KLHL30: variants seen among roughly 807,000 people sequenced by gnomAD.
KLHL30 encodes the protein kelch like family member 30, also known as kelch-like protein 30.
KLHL30 carries 55 observed loss-of-function variants against 55.0 expected under a neutral mutation model. That is an observed-to-expected ratio of 1.00 (90% CI 0.80 to 1.25). KLHL30 has a LOEUF of 1.25. KLHL30 is among the 50% of genes most tolerant of loss of function. KLHL30 has a pLI of 0.00. For synonymous variants in KLHL30, 356 were observed against 372.6 expected, an observed-to-expected ratio of 0.96 and a Z score of 0.51; for missense variants, 786 against 811.6, an observed-to-expected ratio of 0.97 and a Z score of 0.38.
Position 238,142,895 on chromosome 2 carries a change from G to A in KLHL30, c.871G>A (p.Gly291Ser), listed in dbSNP as rs200997675. Reference sequence around the variant, plus strand: ...GGAGGCAGGTGAGGAGCCCACCCCCGGCCTTGGGAACTTTGCCTTCTACAA... The same window carrying A: ...GGAGGCAGGTGAGGAGCCCACCCCCAGCCTTGGGAACTTTGCCTTCTACAA... ...EEEAGEEPTPGLGNFAFYNSK... is the reference protein window; with the variant it reads ...EEEAGEEPTPSLGNFAFYNSK... Residue 291 changes from glycine to serine, a missense_variant, in exon 3 of 8, where the codon GGC becomes AGC. Transcript: ENST00000409223. 1,345 of 1,499,286 alleles carry A rather than the reference G, an allele frequency of 9.0e-4. 10 individuals carry two copies. The South Asian group carries it at 0.01, about 11-fold the overall frequency. 92.9% of individuals were successfully genotyped at this position (1,499,286 alleles called of 1,614,324 possible).
In KLHL30 at chr2:238,144,961, G is replaced by A. The variant is rs752979473; in HGVS notation, c.967G>A (p.Ala323Thr). Residue 323 changes from alanine to threonine, a missense_variant, in exon 4 of 8, where the codon GCC (alanine) becomes ACC (threonine). Physicochemically the swap from Ala to Thr is moderately conservative, Grantham distance 58. Transcript: ENST00000409223. ...DYHKWGFSLA[A>T]LNNNIYVTGG... ...TCACAAGTGGGGTTTCTCCCTGGCG[G>A]CCCTGAACAACAACATCTATGTCAC... 1 of 1,609,470 alleles carries A rather than the reference G, an allele frequency of 6.2e-7. No individual in the cohort carries two copies. The highest frequency in any genetic ancestry group is 8.5e-7 in the Non-Finnish European group (1 of 1,178,112).
intron 1 of KLHL30, among the ~76,000 whole-genome samples, chr2:238,139,579 G>A (rs1225877726): frequency 2.0e-5 from 3 of 152,188 alleles, no homozygotes; most frequent in Non-Finnish European, 2.9e-5. Flanking sequence ...GGAAGTCGGG[G>A]AGCCCTAGCT....
chr2:238,138,976 GGGGA>G (rs1692481640), intron 1 of KLHL30, among the ~76,000 whole-genome samples: 1 of 152,198 alleles, frequency 6.6e-6, no homozygotes, highest in South Asian at 2.1e-4. Context: ...GAGGTGGGAG[GGGGA>G]GGCTGGGCCA....
In KLHL30 at chr2:238,151,915, C is replaced by G. The variant is rs1692763274; in HGVS notation, c.*850C>G. The stretch of plus-strand genomic sequence containing the variant: ...TCTTGGGTGCATTGGTGGCAGCCTC[C>G]TGAGGGTGAGGGGTAGCATCCGATG... On this transcript the variant is annotated 3_prime_UTR_variant, in exon 8 of 8. Transcript: ENST00000409223. 1.0e-6 allele frequency: 1 copy of G among 985,378 alleles called. No individual in the cohort carries two copies. 61.0% of individuals were successfully genotyped at this position (985,378 alleles called of 1,614,324 possible).
chr2:238,150,368 G>C (rs1692731228), intron 7 of KLHL30, among the ~76,000 whole-genome samples: 1 of 152,180 alleles, frequency 6.6e-6, no homozygotes, highest in South Asian at 2.1e-4. Context: ...ACCCCTCCCA[G>C]GGGCACTCCC....
Position 238,142,849 on chromosome 2 carries a change from C to T in KLHL30, c.825C>T (p.Gly275=), listed in dbSNP as rs571979746. Residue 275 remains glycine, a synonymous_variant, in exon 3 of 8, where the codon GGC becomes GGT. Coordinates refer to ENST00000409223, the MANE Select transcript of KLHL30 (RefSeq NM_198582.4). Reference sequence around the variant, plus strand: ...TGGAGGAGGTCCTGGTGGTGGTGGGCGGGCAGGCGCTGGAGGAGGAGGAGG... The same window carrying T: ...TGGAGGAGGTCCTGGTGGTGGTGGGTGGGCAGGCGCTGGAGGAGGAGGAGG... ...QKLEEVLVVV[G]GQALEEEEAG... is the part of the protein sequence containing the mutation. 3.5e-5 allele frequency: 51 copies of T among 1,459,876 alleles called. No individual in the cohort carries two copies. The highest frequency in any genetic ancestry group is 2.5e-4 in the Middle Eastern group (1 of 3,994). 90.4% of individuals were successfully genotyped at this position (1,459,876 alleles called of 1,614,324 possible).
At chr2:238,144,369 CGGAAGGAAGGAAGGAAGGAAGGAAGGAA>C (rs72453433) in intron 3 of KLHL30, among the ~76,000 whole-genome samples, 822 of 78,728 alleles carry the variant, frequency 0.01, 3 homozygotes, top group African/African-American at 0.017. Flanking sequence ...GGAGGGTGCT[CGGAAGGAAGGAAGGAAGGAAGGAAGGAA>C]GGAAGGAAGG....
In KLHL30 at chr2:238,147,948, G is replaced by A. The variant is rs376922447; in HGVS notation, c.1265G>A (p.Gly422Asp). The change falls in exon 6 of 8, where the codon GGC becomes GAC. Residue 422 changes from glycine to aspartate, a missense_variant. Transcript: ENST00000409223. This position sits in a 1 kb window ranked among gnomAD's most constrained non-coding sequence, Gnocchi z 5.8. ...VSNFSAAGCR[G>D]RLYLVGSSAC... ...AACTTCTCGGCTGCCGGCTGCCGGG[G>A]CCGGCTCTACCTGGTGGGCTCCAGC... The A allele has an allele frequency of 3.8e-6, 6 of 1,585,224 alleles. No homozygotes were observed. The Admixed American group carries it at 8.9e-5, about 23-fold the overall frequency.
At position 238,141,105 on chromosome 2, in the gene KLHL30, G is replaced by C; in HGVS notation, c.351G>C (p.Ser117=). ...TRTAARLHFP[S]VQKVCGRYLQ... ...CGGCTGCGCGCCTGCACTTCCCCTCGGTGCAGAAGGTCTGCGGCCGCTACC... is the reference window on the plus strand; with the variant it reads ...CGGCTGCGCGCCTGCACTTCCCCTCCGTGCAGAAGGTCTGCGGCCGCTACC... The change falls in exon 2 of 8, where the codon TCG becomes TCC. Residue 117 remains serine, a synonymous_variant. Coordinates refer to ENST00000409223, the MANE Select transcript of KLHL30 (RefSeq NM_198582.4). The C allele has an allele frequency of 6.2e-7, 1 of 1,608,332 alleles. No homozygotes were observed. The highest frequency in any genetic ancestry group is 8.5e-7 in the Non-Finnish European group (1 of 1,176,430).
At chr2:238,140,030 CAGAG>C (rs1692503741) in intron 1 of KLHL30, among the ~76,000 whole-genome samples, 3 of 152,240 alleles carry the variant, frequency 2.0e-5, no homozygotes, top group Non-Finnish European at 4.4e-5. Flanking sequence ...ATGCAGGGTT[CAGAG>C]CCTGGGCCCC....
intron 6 of KLHL30, 102 bp downstream of exon 6, chr2:238,148,124 C>A: frequency 8.7e-7 from 1 of 1,147,356 alleles, no homozygotes; most frequent in Non-Finnish European, 1.2e-6. Context: ...TGAGGATAGA[C>A]GGGGCCCGGG....
rs1272812618 is a variant in KLHL30, at chr2:238,151,595, T to C, written c.*530T>C. On this transcript the variant is annotated 3_prime_UTR_variant, in exon 8 of 8. Transcript: ENST00000409223. ...GCCAGCCACCTCCCCTCTCTGGGCT[T>C]CAAGCTCCGCGTCCACCACACACGG... The C allele has an allele frequency of 1.2e-5, 2 of 160,812 alleles. No homozygotes were observed. Among genetic ancestry groups the C allele is most frequent in the Non-Finnish European group, 2.7e-5 (2 of 73,402 alleles). The allele number at this position is 160,812 out of a possible 1,614,324, so 10.0% of individuals were successfully genotyped here.
At chr2:238,143,789 C>T (rs1010065551) in intron 3 of KLHL30, among the ~76,000 whole-genome samples, 2 of 152,176 alleles carry the variant, frequency 1.3e-5, no homozygotes, top group African/African-American at 4.8e-5. Context: ...GAGGTGGGGA[C>T]GCTGGCAGGA....
Position 238,149,040 on chromosome 2 carries a change from C to G in KLHL30, c.1373C>G (p.Pro458Arg), listed in dbSNP as rs766031335. The G allele has an allele frequency of 1.2e-6, 2 of 1,612,418 alleles. No homozygotes were observed. Among genetic ancestry groups the G allele is most frequent in the Non-Finnish European group, 1.7e-6 (2 of 1,179,490 alleles). ...AGTGTGATCGCCTCGCCCTTCCTGC[C>G]CAAGTACCTGTCCTCGCCTCGCTGT... ...AWSVIASPFL[P>R]KYLSSPRCAA... is the part of the protein sequence containing the mutation. The change falls in exon 7 of 8, where the codon CCC becomes CGC. Residue 458 changes from proline to arginine, a missense_variant. Pro to Arg is a moderately radical substitution (Grantham distance 103). Coordinates refer to ENST00000409223, the MANE Select transcript of KLHL30 (RefSeq NM_198582.4).
At chr2:238,143,199 G>A (rs1247775675) in intron 3 of KLHL30, among the ~76,000 whole-genome samples, 2 of 152,200 alleles carry the variant, frequency 1.3e-5, no homozygotes, top group African/African-American at 2.4e-5. Context: ...CCCTGGAGCC[G>A]GTGTACAGGC....
chr2:238,140,117 C>G (rs949391749), intron 1 of KLHL30, among the ~76,000 whole-genome samples: 1 of 152,234 alleles, frequency 6.6e-6, no homozygotes, highest in Non-Finnish European at 1.5e-5. Context: ...GTGACTGAAA[C>G]CTTCTGTGCC....
At chr2:238,139,916 G>A (rs898242081) in intron 1 of KLHL30, among the ~76,000 whole-genome samples, 4 of 152,204 alleles carry the variant, frequency 2.6e-5, no homozygotes, top group East Asian at 1.9e-4. Context: ...GCCTGAAAGC[G>A]GCCTTGCTGA....
chr2:238,146,704 G>C (rs1692653988), intron 5 of KLHL30, among the ~76,000 whole-genome samples: 1 of 149,604 alleles, frequency 6.7e-6, no homozygotes, highest in African/African-American at 2.5e-5. Flanking sequence ...GCTGCCCCCA[G>C]CCCATAAAAA....
chr2:238,148,054 ACCAC>A, intron 6 of KLHL30, 32 bp downstream of exon 6: 2 of 1,350,532 alleles, frequency 1.5e-6, no homozygotes, highest in Non-Finnish European at 1.9e-6. Context: ...AGGATAGAGG[ACCAC>A]AGGCCCCTCT....
Sources: allele counts gnomAD v4.1 joint callset (sites outside exome capture counted in the v4.1 genomes callset), GRCh38; gene constraint gnomAD v4.1.1; non-coding constraint Gnocchi (gnomAD v3.1); transcripts MANE v1.5; gene names NCBI Gene and HGNC (gene_info 2026-07-23, HGNC 2026-07-21).